The following MAF variants were observed in gnomAD, a reference collection of about 807,000 sequenced individuals.
The protein encoded by MAF is transcription factor Maf.
MAF carries 10 observed loss-of-function variants against 22.0 expected under a neutral mutation model. The observed-to-expected ratio is 0.45, with a 90% CI of 0.28 to 0.77. The LOEUF is 0.77. Among genes scored for constraint, MAF ranks in the 30% least tolerant of loss-of-function variants. MAF has a pLI of 0.12. For synonymous variants in MAF, 337 were observed against 255.8 expected (o/e 1.32, Z -3.03); for missense variants, 544 against 548.4 (o/e 0.99, Z 0.08).
the MAF span, among the ~76,000 whole-genome samples, chr16:79,383,631 C>T: frequency 6.6e-6 from 1 of 152,096 alleles, no homozygotes; most frequent in South Asian, 2.1e-4. Flanking sequence ...TAACCTTATT[C>T]AAGGAGGTTT....
At chr16:79,322,015 T>C in the MAF span, among the ~76,000 whole-genome samples, 4 of 152,220 alleles carry the variant, frequency 2.6e-5, no homozygotes, top group African/African-American at 7.2e-5. Flanking sequence ...GCAGATCACC[T>C]GAGGTCAGAG....
rs1283284238 is a variant in MAF, at chr16:79,599,834, A to G, written c.69T>C (p.Asn23=). Residue 23 remains asparagine (N), a synonymous_variant, in exon 1 of 2, where the codon AAT becomes AAC. Coordinates refer to ENST00000326043, the MANE Select transcript of MAF (RefSeq NM_005360.5). ...PTSPLAMEYV[N]DFDLMKFEVK... ...CTTCAAACTTCATCAGATCGAAGTC[A>G]TTAACATATTCCATGGCCAGGGGAC... is the stretch of plus-strand genomic sequence containing the variant. The G allele has an allele frequency of 6.2e-7, 1 of 1,611,950 alleles. No homozygotes were observed. The highest frequency in any genetic ancestry group is 8.5e-7 in the Non-Finnish European group (1 of 1,179,888).
At position 79,599,690 on chromosome 16, in the gene MAF, G is replaced by C. The variant is rs377182117; in HGVS notation, c.213C>G (p.Pro71=). 3 of 1,612,304 alleles carry C rather than the reference G, an allele frequency of 1.9e-6. No homozygotes were observed. Among genetic ancestry groups the C allele is most frequent in the Non-Finnish European group, 2.5e-6 (3 of 1,179,758 alleles). Residue 71 remains proline (P), a synonymous_variant, in exon 1 of 2, where the codon CCC becomes CCG. Coordinates refer to ENST00000326043, the MANE Select transcript of MAF (RefSeq NM_005360.5). ...AGCCCGGGCTGGGCGCCGAGAAGCTGGGGGAAGGGGGCACCGAGCTGCACG... is the reference window on the plus strand; with the variant it reads ...AGCCCGGGCTGGGCGCCGAGAAGCTCGGGGAAGGGGGCACCGAGCTGCACG... ...STPCSSVPPS[P]SFSAPSPGSG...
the MAF span, among the ~76,000 whole-genome samples, chr16:79,257,264 A>G: frequency 8.5e-5 from 13 of 152,118 alleles, no homozygotes; most frequent in African/African-American, 2.9e-4. Context: ...TTAATATAGT[A>G]TTGTACCTAT....
chr16:79,587,639 C>T (rs752250851), intron 1 of MAF, among the ~76,000 whole-genome samples: 1 of 152,068 alleles, frequency 6.6e-6, no homozygotes. Flanking sequence ...AATAATTGGA[C>T]GTAGGCTTTG....
the MAF span, among the ~76,000 whole-genome samples, chr16:79,488,113 G>A: frequency 2.4e-4 from 37 of 152,294 alleles, no homozygotes; most frequent in African/African-American, 8.4e-4. Flanking sequence ...GCATTGGCAC[G>A]CCTGGCGCTG....
At chr16:79,421,276 G>C in the MAF span, among the ~76,000 whole-genome samples, 1 of 152,220 alleles carries the variant, frequency 6.6e-6, no homozygotes, top group Non-Finnish European at 1.5e-5. Context: ...CTGCTGTGCA[G>C]TCTATGGGAC....
At chr16:79,202,932 T>C in the MAF span, 1 of 152,194 alleles carries the variant, frequency 6.6e-6, no homozygotes, top group Non-Finnish European at 1.5e-5. Context: ...ATGCAAACTT[T>C]AAAAAAGACA....
chr16:79,491,310 C>T, the MAF span, among the ~76,000 whole-genome samples: 8 of 152,158 alleles, frequency 5.3e-5, no homozygotes, highest in Non-Finnish European at 1.0e-4. Flanking sequence ...GTAGTAGCTG[C>T]CTCATGAAAT....
At chr16:79,533,458 G>C in the MAF span, among the ~76,000 whole-genome samples, 2 of 152,276 alleles carry the variant, frequency 1.3e-5, no homozygotes, top group Admixed American at 1.3e-4. Flanking sequence ...AAGAAGGGTA[G>C]TGTGGTCATT....
chr16:79,501,649 G>C, the MAF span, among the ~76,000 whole-genome samples: 1 of 152,110 alleles, frequency 6.6e-6, no homozygotes, highest in Non-Finnish European at 1.5e-5. Context: ...TATGCTGACT[G>C]TCAAAATTAC....
At chr16:79,526,348 T>C in the MAF span, among the ~76,000 whole-genome samples, 1 of 152,158 alleles carries the variant, frequency 6.6e-6, no homozygotes, top group Non-Finnish European at 1.5e-5. Flanking sequence ...ATAGGGTTCG[T>C]GCACCTATGA....
At chr16:79,484,629 T>C in the MAF span, among the ~76,000 whole-genome samples, 1 of 152,170 alleles carries the variant, frequency 6.6e-6, no homozygotes, top group Non-Finnish European at 1.5e-5. Context: ...GATGGCAGCC[T>C]GGGTCAGGTG....
chr16:79,549,585 T>C, the MAF span, among the ~76,000 whole-genome samples: 2 of 152,210 alleles, frequency 1.3e-5, no homozygotes, highest in Non-Finnish European at 2.9e-5. Flanking sequence ...CAGCTTCAAT[T>C]ACACTGGCCA....
chr16:79,574,216 C>G, the MAF span, among the ~76,000 whole-genome samples: 1 of 152,192 alleles, frequency 6.6e-6, no homozygotes, highest in South Asian at 2.1e-4. Flanking sequence ...AGAGGAGAAT[C>G]AATGAGTCTG....
chr16:79,477,750 A>T, the MAF span, among the ~76,000 whole-genome samples: 3 of 151,636 alleles, frequency 2.0e-5, no homozygotes, highest in African/African-American at 7.3e-5. Context: ...TTTGATATGG[A>T]GTCTCGCTCT....
chr16:79,224,514 A>G, the MAF span, among the ~76,000 whole-genome samples: 5 of 152,334 alleles, frequency 3.3e-5, no homozygotes, highest in Admixed American at 3.3e-4. Flanking sequence ...GGCCAGGACA[A>G]TCAGACAAGA....
At chr16:79,353,148 G>A in the MAF span, among the ~76,000 whole-genome samples, 9 of 150,590 alleles carry the variant, frequency 6.0e-5, no homozygotes, top group Admixed American at 2.6e-4. Context: ...TCAAGACAGG[G>A]TCTCACTCTA....
downstream of MAF, among the ~76,000 whole-genome samples, chr16:79,588,882 G>A (rs555878405): frequency 8.5e-4 from 130 of 152,242 alleles, no homozygotes; most frequent in African/African-American, 3.0e-3. Flanking sequence ...TGGAGTGAAT[G>A]CCTGAAGATG....
Sources: allele counts gnomAD v4.1 joint callset (sites outside exome capture counted in the v4.1 genomes callset), GRCh38; gene constraint gnomAD v4.1.1; transcripts MANE v1.5; gene names NCBI Gene and HGNC (gene_info 2026-07-23, HGNC 2026-07-21).